Variants in SERPINB8 observed in about 807,000 individuals in gnomAD.
SERPINB8 encodes the protein serpin family B member 8.
Under a neutral mutation model 35.3 loss-of-function variants are expected in SERPINB8, and 25 were observed. The observed-to-expected ratio is 0.71, with a 90% confidence interval of 0.52 to 0.99. The LOEUF (loss-of-function observed/expected upper bound fraction) is 0.99, where lower values mean the gene tolerates loss of function less well. Ranked by LOEUF, SERPINB8 falls within the 50% of genes least tolerant of loss-of-function variation. The pLI, the probability that SERPINB8 is intolerant of heterozygous loss-of-function variation, is 0.00. For missense variants in SERPINB8, 484 were observed against 446.5 expected, an observed-to-expected ratio of 1.08 and a Z score of -0.76; for synonymous variants, 186 against 160.8, an observed-to-expected ratio of 1.16 and a Z score of -1.19.
downstream of SERPINB8, among the ~76,000 whole-genome samples, chr18:64,009,740 T>C (rs576756390): frequency 1.3e-5 from 2 of 152,200 alleles, no homozygotes; most frequent in Admixed American, 6.5e-5. Context: ...CCTTGAGCAG[T>C]TGGATATCAA....
intron 5 of SERPINB8, 101 bp from the exon 6 acceptor site, chr18:63,984,992 A>G (rs1568275794): frequency 1.8e-6 from 2 of 1,130,918 alleles, no homozygotes; most frequent in East Asian, 4.9e-5. Flanking sequence ...ATGTGCAGAA[A>G]CAGTAATTAT....
chr18:63,985,004 C>A (rs914008056), intron 5 of SERPINB8, 89 bp from the exon 6 acceptor site: 13 of 1,289,310 alleles, frequency 1.0e-5, no homozygotes, highest in Non-Finnish European at 1.3e-5. Flanking sequence ...AGTAATTATA[C>A]ACACCTAGAG....
chr18:63,992,926 C>T (rs2050831921), downstream of SERPINB8, among the ~76,000 whole-genome samples: 2 of 152,138 alleles, frequency 1.3e-5, no homozygotes, highest in African/African-American at 4.8e-5. Flanking sequence ...ACAATAGGCG[C>T]TAGATTTTCC....
In SERPINB8 at chr18:63,985,094, A is replaced by G. The variant is rs1599149229; in HGVS notation, c.569A>G (p.Glu190Gly). ...TRGMLFKTNE[E>G]KKTVQMMFKE... ...ATCGAACTTTAATTTTTCCGTTAGG[A>G]AAAAAAGACAGTGCAGATGATGTTT... The change falls in exon 6 of 7, where the codon GAA becomes GGA. Residue 190 changes from glutamate (E) to glycine (G), a missense_variant and splice_region_variant. Glu to Gly is a moderately conservative substitution (Grantham distance 98). Transcript: ENST00000397985. The G allele has an allele frequency of 6.2e-7, 1 of 1,610,582 alleles. No individual in the cohort carries two copies. Among genetic ancestry groups the G allele is most frequent in the Non-Finnish European group, 8.5e-7 (1 of 1,178,048 alleles).
chr18:63,971,155 C>G (rs2050472487), intron 1 of SERPINB8, among the ~76,000 whole-genome samples: 1 of 152,190 alleles, frequency 6.6e-6, no homozygotes, highest in Admixed American at 6.5e-5. Flanking sequence ...GTCTCAGTCT[C>G]CGTTTCGCGC....
chr18:64,018,362 A>T (rs1340197245), intron 7 of SERPINB8, among the ~76,000 whole-genome samples: 1 of 152,192 alleles, frequency 6.6e-6, no homozygotes, highest in African/African-American at 2.4e-5. Context: ...CCAGAAGGAA[A>T]CCCTTAAAAG....
At chr18:63,992,218 T>G (rs1408167096), downstream of SERPINB8, among the ~76,000 whole-genome samples, 1 of 152,238 alleles carries the variant, frequency 6.6e-6, no homozygotes, top group African/African-American at 2.4e-5. Flanking sequence ...GTATTATTTC[T>G]TCCTTTAATG....
At chr18:64,000,260 C>G (rs1469312330) in intron 1 of SERPINB8, among the ~76,000 whole-genome samples, 1 of 152,204 alleles carries the variant, frequency 6.6e-6, no homozygotes, top group Non-Finnish European at 1.5e-5. Context: ...TATTTGGAAA[C>G]ATTTCAATGA....
chr18:64,011,314 G>A (rs1016640747), intron 7 of SERPINB8, among the ~76,000 whole-genome samples: 1 of 152,012 alleles, frequency 6.6e-6, no homozygotes, highest in Non-Finnish European at 1.5e-5. Context: ...ATATAAAAAA[G>A]TAGACTTCAA....
Position 63,983,693 on chromosome 18 carries a change from C to T in SERPINB8, c.539C>T (p.Thr180Ile). ...KWNEQFDRKY[T>I]RGMLFKTNEE... Reference sequence around the variant, plus strand: ...AATGAGCAATTTGACAGAAAGTACACAAGGGGAATGCTCTTTAAAACCAAC... The same window carrying T: ...AATGAGCAATTTGACAGAAAGTACATAAGGGGAATGCTCTTTAAAACCAAC... The change falls in exon 5 of 7, where the codon ACA (threonine) becomes ATA (isoleucine). Residue 180 changes from threonine (T) to isoleucine (I), a missense_variant. Coordinates refer to ENST00000397985, the MANE Select transcript of SERPINB8 (RefSeq NM_002640.4). The T allele has an allele frequency of 1.2e-6, 2 of 1,613,798 alleles. No homozygotes were observed. The highest frequency in any genetic ancestry group is 1.7e-6 in the Non-Finnish European group (2 of 1,179,780).
At position 63,985,340 on chromosome 18, in the gene SERPINB8, T is replaced by C. The variant is rs57638595; in HGVS notation, c.720+95T>C. 0.011 allele frequency: 15,500 copies of C among 1,409,720 alleles called. 951 individuals carry two copies. The African/African-American group carries it at 0.14, about 13-fold the overall frequency. 87.3% of individuals were successfully genotyped at this position (1,409,720 alleles called of 1,614,324 possible). On this transcript the variant is annotated intron_variant, in intron 6 of 6. Transcript: ENST00000397985. The stretch of plus-strand genomic sequence containing the variant: ...CAATTGGCATTTGAGGAGTTTCCAG[T>C]TGGGGTTATTACAGGCAGTGCTGGG...
chr18:63,999,113 G>A (rs751996027), intron 1 of SERPINB8, among the ~76,000 whole-genome samples: 1 of 152,152 alleles, frequency 6.6e-6, no homozygotes, highest in South Asian at 2.1e-4. Flanking sequence ...CAGATACGGG[G>A]CAAGAAGTGG....
In SERPINB8 at chr18:63,983,688, G is replaced by C; in HGVS notation, c.534G>C (p.Lys178Asn). 1.2e-6 allele frequency: 2 copies of C among 1,613,952 alleles called. No individual in the cohort carries two copies. The highest frequency in any genetic ancestry group is 2.2e-5 in the East Asian group (1 of 44,874). ...AGTGGAATGAGCAATTTGACAGAAA[G>C]TACACAAGGGGAATGCTCTTTAAAA... is the stretch of plus-strand genomic sequence containing the variant. The part of the protein sequence containing the change: ...KGKWNEQFDR[K>N]YTRGMLFKTN... Residue 178 changes from lysine to asparagine, a missense_variant, in exon 5 of 7, where the codon AAG becomes AAC. Lys to Asn is a moderately conservative substitution (Grantham distance 94). Coordinates refer to ENST00000397985, the MANE Select transcript of SERPINB8 (RefSeq NM_002640.4).
At chr18:63,996,373 C>A (rs2050849392) in intron 1 of SERPINB8, among the ~76,000 whole-genome samples, 1 of 152,154 alleles carries the variant, frequency 6.6e-6, no homozygotes, top group African/African-American at 2.4e-5. Context: ...TTGGCAGTAT[C>A]TGACATTTTG....
downstream of SERPINB8, among the ~76,000 whole-genome samples, chr18:63,992,772 C>G (rs2050830911): frequency 6.6e-6 from 1 of 152,178 alleles, no homozygotes; most frequent in African/African-American, 2.4e-5. Context: ...GGGCACCTTG[C>G]CTCTAGTAGG....
Position 63,987,175 on chromosome 18 carries a change from G to T in SERPINB8, c.1022G>T (p.Ser341Ile), listed in dbSNP as rs144873303. ...ATAVVRNSRC[S>I]RMEPRFCADH... ...GCTGTGGTCAGGAATTCCCGGTGCA[G>T]CAGAATGGAGCCAAGATTCTGTGCA... Residue 341 changes from serine to isoleucine, a missense_variant, in exon 7 of 7, where the codon AGC becomes ATC. Ser to Ile is a moderately radical substitution (Grantham distance 142). Transcript: ENST00000397985. 6.6e-5 allele frequency: 107 copies of T among 1,614,192 alleles called. No homozygotes were observed. The highest frequency in any genetic ancestry group is 8.8e-5 in the Non-Finnish European group (104 of 1,180,028).
At chr18:63,979,370 T>A (rs994946098) in intron 2 of SERPINB8, among the ~76,000 whole-genome samples, 1 of 152,222 alleles carries the variant, frequency 6.6e-6, no homozygotes, top group African/African-American at 2.4e-5. Context: ...AGTTACTTAC[T>A]TTTTTCTGTT....
chr18:63,977,683 A>G (rs1316318432), intron 1 of SERPINB8, among the ~76,000 whole-genome samples: 1 of 152,206 alleles, frequency 6.6e-6, no homozygotes, highest in Non-Finnish European at 1.5e-5. Flanking sequence ...CAGGTGTTGC[A>G]GGGTGTCTGT....
intron 1 of SERPINB8, among the ~76,000 whole-genome samples, chr18:64,004,137 G>A (rs2000834): frequency 0.66 from 99,572 of 151,988 alleles, 32,911 homozygotes; most frequent in African/African-American, 0.73. Context: ...TGAGAAAACT[G>A]TTTTGCCTAT....
Sources: gnomAD v4.1 joint callset for allele counts (sites outside exome capture counted in the v4.1 genomes callset) on GRCh38, gnomAD v4.1.1 for gene constraint, MANE v1.5 for transcripts, NCBI Gene and HGNC (gene_info 2026-07-23, HGNC 2026-07-21) for gene names.